CCNG1: variants seen among roughly 807,000 people sequenced by gnomAD.
The protein encoded by CCNG1 is cyclin G1, also known as cyclin-G1.
CCNG1 carries 13 observed loss-of-function variants against 30.0 expected under a neutral mutation model. The ratio of observed to expected loss-of-function variants is 0.43; its 90% CI spans 0.28 to 0.69. The LOEUF is 0.69. Among genes scored for constraint, CCNG1 ranks in the 30% least tolerant of loss-of-function variants. CCNG1 has a pLI of 0.16. For missense variants in CCNG1, 285 were observed against 331.4 expected, an observed-to-expected ratio of 0.86 and a Z score of 1.09; for synonymous variants, 110 against 121.5, an observed-to-expected ratio of 0.91 and a Z score of 0.62.
downstream of CCNG1, chr5:163,447,253 A>G: frequency 6.5e-6 from 1 of 152,834 alleles, no homozygotes; most frequent in Non-Finnish European, 1.5e-5. Flanking sequence ...AGAGTTCAAG[A>G]CCAGCCTACT....
chr5:163,443,616 A>T, intron 6 of CCNG1, 58 bp from the exon 7 acceptor site: 1 of 868,984 alleles, frequency 1.2e-6, no homozygotes, highest in South Asian at 1.4e-5. Context: ...TCTTAGTAGT[A>T]TTTAGGCAGA....
the CCNG1 span, chr5:163,456,926 T>G: frequency 6.3e-7 from 1 of 1,597,870 alleles, no homozygotes; most frequent in Non-Finnish European, 8.5e-7. Flanking sequence ...TCATCTGACT[T>G]ACTTCTTTTT....
downstream of CCNG1, among the ~76,000 whole-genome samples, chr5:163,445,326 GTTTT>G (rs1232274737): frequency 2.1e-5 from 3 of 142,332 alleles, no homozygotes; most frequent in African/African-American, 7.9e-5. Context: ...CTGACACTTT[GTTTT>G]GTTTTTTCTG....
chr5:163,442,524 A>G lies in CCNG1; in HGVS notation c.847A>G (p.Arg283Gly). Residue 283 changes from arginine to glycine, a missense_variant, in exon 6 of 7, where the codon AGA (arginine) becomes GGA (glycine). Transcript: ENST00000340828. ...TARQLKHSYY[R>G]ITHLPTIPEM... ...ACGGCAATTGAAGCATAGCTACTAC[A>G]GAATAACTCACCTTCCAACAATTCC... is the stretch of plus-strand genomic sequence containing the variant. The G allele has an allele frequency of 6.2e-7, 1 of 1,612,526 alleles. No homozygotes were observed. Among genetic ancestry groups the G allele is most frequent in the African/African-American group, 1.3e-5 (1 of 75,016 alleles).
At chr5:163,457,038 C>T in the CCNG1 span, 1 of 1,613,292 alleles carries the variant, frequency 6.2e-7, no homozygotes, top group Non-Finnish European at 8.5e-7. Context: ...TGCTGCATCT[C>T]TCTTTGTCTT....
the CCNG1 span, chr5:163,451,252 C>T: frequency 2.0e-5 from 3 of 152,136 alleles, no homozygotes; most frequent in African/African-American, 7.2e-5. Flanking sequence ...GAATTACACA[C>T]CTTAAATGGG....
Position 163,442,065 on chromosome 5 carries a change from T to TATCA in CCNG1, c.619_622dup (p.Ile208AsnfsTer45), listed in dbSNP as rs768613056. On this transcript the variant is annotated frameshift_variant, in exon 5 of 7. Coordinates refer to ENST00000340828, the MANE Select transcript of CCNG1 (RefSeq NM_004060.4). LOFTEE classifies it high-confidence loss of function. Reference sequence around the variant, plus strand: ...TTTAGCCTTCTGTGTTGGCATTGTCTATCATTGCATTAGAGATCCAAGCAC... The same window carrying TATCA: ...TTTAGCCTTCTGTGTTGGCATTGTCTATCAATCATTGCATTAGAGATCCAAGCAC... 6.2e-7 allele frequency: 1 copy of TATCA among 1,612,150 alleles called. No individual in the cohort carries two copies. Among genetic ancestry groups the TATCA allele is most frequent in the Admixed American group, 1.7e-5 (1 of 59,968 alleles).
downstream of CCNG1, among the ~76,000 whole-genome samples, chr5:163,445,687 G>C (rs1209640070): frequency 1.6e-5 from 2 of 128,870 alleles, no homozygotes; most frequent in African/African-American, 2.9e-5. Context: ...CAAACTCTTG[G>C]GCTCAAGTGA....
At chr5:163,439,133 A>G in intron 1 of CCNG1, 124 bp from the exon 2 acceptor site, 1 of 797,886 alleles carries the variant, frequency 1.3e-6, no homozygotes, top group Non-Finnish European at 2.0e-6. Flanking sequence ...AATGACTTAG[A>G]TGCACTAGCC....
At chr5:163,457,219 C>G in the CCNG1 span, 1 of 858,888 alleles carries the variant, frequency 1.2e-6, no homozygotes, top group Admixed American at 3.3e-5. Flanking sequence ...GAAACCTCCG[C>G]CCCCCGGGTT....
In CCNG1 at chr5:163,444,597, C is replaced by CCA. The variant is rs999220016; in HGVS notation, c.*928_*929dup. ...TACTTCCACTGATGCCCTTACTGTG[C>CCA]CAAAACAAAAATCTTAAGAAAAGCA... On this transcript the variant is annotated 3_prime_UTR_variant, in exon 7 of 7. Coordinates refer to ENST00000340828, the MANE Select transcript of CCNG1 (RefSeq NM_004060.4). 1 of 152,538 alleles carries CCA rather than the reference C, an allele frequency of 6.6e-6. No individual in the cohort carries two copies. The highest frequency in any genetic ancestry group is 6.6e-5 in the Admixed American group (1 of 15,264). The allele number at this position is 152,538 out of a possible 1,614,324, so 9.4% of individuals were successfully genotyped here. A position where few individuals can be genotyped will look rare whatever the true frequency, so the allele number is the denominator to read the frequency against.
At chr5:163,457,091 A>ACAC in the CCNG1 span, 20 of 1,491,378 alleles carry the variant, frequency 1.3e-5, no homozygotes, top group Non-Finnish European at 1.8e-5. Context: ...CTAAAAAAAA[A>ACAC]ACACACACAC....
downstream of CCNG1, chr5:163,448,003 T>G (rs1403900681): frequency 6.6e-6 from 1 of 151,700 alleles, no homozygotes; most frequent in African/African-American, 2.4e-5. Flanking sequence ...TTTAAGAAAG[T>G]AGGAAAATCT....
the CCNG1 span, chr5:163,457,483 A>G: frequency 2.0e-5 from 18 of 885,236 alleles, no homozygotes; most frequent in Non-Finnish European, 2.8e-5. Flanking sequence ...TGCAAAGACA[A>G]AAAAGACCTA....
chr5:163,457,135 A>G, the CCNG1 span: 2 of 1,446,806 alleles, frequency 1.4e-6, no homozygotes, highest in Non-Finnish European at 1.8e-6. Flanking sequence ...TTCTTCATCA[A>G]GTTGTTTTTT....
downstream of CCNG1, chr5:163,448,023 T>C: frequency 6.6e-6 from 1 of 151,918 alleles, no homozygotes; most frequent in East Asian, 1.9e-4. Context: ...TAACTGGGTG[T>C]GGTGGCACAC....
chr5:163,453,382 CTAT>C, the CCNG1 span: 1 of 152,184 alleles, frequency 6.6e-6, no homozygotes, highest in Non-Finnish European at 1.5e-5. Flanking sequence ...TAATCCACTT[CTAT>C]TGTTAGGGTT....
downstream of CCNG1, chr5:163,450,030 G>A (rs1758139302): frequency 6.6e-6 from 1 of 152,098 alleles, no homozygotes; most frequent in South Asian, 2.1e-4. Context: ...GAGGCGGGCA[G>A]ATCCGTTGAG....
rs747805827 is a variant in CCNG1 at position 163,441,180 on chromosome 5, C to T, written c.367C>T (p.Arg123Ter). ...TGTCCCATTGGCAACTGACTTGATC[C>T]GAATAAGTCAATATAGGTTTACGGT... The part of the protein sequence containing the change: ...RNVPLATDLI[R>*]ISQYRFTVSD... The change falls in exon 3 of 7, where the codon CGA (arginine) becomes TGA (stop). Residue 123 changes from arginine (R) to a stop codon, truncating the protein, a stop_gained. Coordinates refer to ENST00000340828, the MANE Select transcript of CCNG1 (RefSeq NM_004060.4). LOFTEE classifies it high-confidence loss of function. 3.7e-6 allele frequency: 6 copies of T among 1,613,754 alleles called. No homozygotes were observed. The highest frequency in any genetic ancestry group is 2.2e-5 in the East Asian group (1 of 44,854).
Sources: gnomAD v4.1 joint callset for allele counts (sites outside exome capture counted in the v4.1 genomes callset) on GRCh38, gnomAD v4.1.1 for gene constraint, MANE v1.5 for transcripts, NCBI Gene and HGNC (gene_info 2026-07-23, HGNC 2026-07-21) for gene names.